FIP1L1: variants seen among roughly 807,000 people sequenced by gnomAD.
The protein encoded by FIP1L1 is factor interacting with PAPOLA and CPSF1.
A neutral mutation model predicts 84.6 loss-of-function variants in FIP1L1; 21 were observed. That is an observed-to-expected ratio of 0.25 (90% CI 0.18 to 0.36). The LOEUF is 0.36. Among genes scored for constraint, FIP1L1 ranks in the 10% least tolerant of loss-of-function variants. The pLI, the probability that FIP1L1 is intolerant of heterozygous loss-of-function variation, is 1.00. For missense variants in FIP1L1, 526 were observed against 751.1 expected (o/e 0.70, Z 3.50); for synonymous variants, 263 against 242.3 (o/e 1.09, Z -0.80).
chr4:53,383,534 C>G (rs1428632867), intron 4 of FIP1L1, among the ~76,000 whole-genome samples: 1 of 152,016 alleles, frequency 6.6e-6, no homozygotes, highest in Non-Finnish European at 1.5e-5. Context: ...TGGTGGCGGG[C>G]ACCTGTAATC....
chr4:53,392,173 T>C (rs748900060), intron 9 of FIP1L1, among the ~76,000 whole-genome samples: 4 of 152,362 alleles, frequency 2.6e-5, no homozygotes, highest in African/African-American at 4.8e-5. Flanking sequence ...CATAGTTCTT[T>C]TATGGAAAAC....
chr4:53,401,151 G>A (rs1195249920), intron 10 of FIP1L1, among the ~76,000 whole-genome samples: 1 of 152,196 alleles, frequency 6.6e-6, no homozygotes, highest in Non-Finnish European at 1.5e-5. Flanking sequence ...TTTATGTAAA[G>A]TGTTTTAGAA....
At chr4:53,422,927 G>T (rs1404281635) in intron 11 of FIP1L1, among the ~76,000 whole-genome samples, 1 of 152,020 alleles carries the variant, frequency 6.6e-6, no homozygotes, top group African/African-American at 2.4e-5. Context: ...TGTTGCCCAG[G>T]CTGGTCTTGA....
In FIP1L1 at chr4:53,445,531, A is replaced by G. The variant is rs76504390; in HGVS notation, c.1285+1428A>G. Among the ~76,000 whole-genome samples the G allele has an allele frequency of 7.3e-3, 1,111 of 152,350 alleles. 13 individuals are homozygous for G. The highest frequency in any genetic ancestry group is 0.025 in the African/African-American group (1,052 of 41,568). On this transcript the variant is annotated intron_variant, in intron 15 of 17. Coordinates refer to ENST00000337488, the MANE Select transcript of FIP1L1 (RefSeq NM_030917.4). ...GAGATGGCTTAGAAATCCAGATTATATAGCATCTTCAGTAAGGAGCAATGA... is the reference window on the plus strand; with the variant it reads ...GAGATGGCTTAGAAATCCAGATTATGTAGCATCTTCAGTAAGGAGCAATGA...
intron 9 of FIP1L1, among the ~76,000 whole-genome samples, chr4:53,398,495 A>G (rs1748573946): frequency 6.6e-6 from 1 of 152,202 alleles, no homozygotes; most frequent in Non-Finnish European, 1.5e-5. Flanking sequence ...TTGGAATTGA[A>G]TTGGTGGTTC....
At chr4:53,381,799 G>A (rs1276707554) in intron 3 of FIP1L1, among the ~76,000 whole-genome samples, 15 of 112,954 alleles carry the variant, frequency 1.3e-4, no homozygotes, top group Non-Finnish European at 2.4e-4. Flanking sequence ...TCACGCTGTC[G>A]CCCAGGCTAG....
intron 7 of FIP1L1, 120 bp downstream of exon 7, chr4:53,390,748 A>G: frequency 1.5e-6 from 1 of 666,714 alleles, no homozygotes; most frequent in Non-Finnish European, 2.5e-6. Context: ...TCTTAAGCAA[A>G]TGATGAGTAA....
intron 10 of FIP1L1, among the ~76,000 whole-genome samples, chr4:53,400,594 ATAGT>A (rs1749700445): frequency 2.0e-5 from 3 of 152,198 alleles, no homozygotes; most frequent in Admixed American, 2.0e-4. Flanking sequence ...TTTATTTTAT[ATAGT>A]TTTCTGTTTT....
chr4:53,384,009 G>GTC (rs1342820736), intron 5 of FIP1L1, 133 bp downstream of exon 5: 1 of 866,526 alleles, frequency 1.2e-6, no homozygotes, highest in Non-Finnish European at 1.7e-6. Flanking sequence ...ACTTGTTAAA[G>GTC]TTTCATCATG....
At chr4:53,412,706 T>C (rs1757752610) in intron 10 of FIP1L1, among the ~76,000 whole-genome samples, 1 of 152,134 alleles carries the variant, frequency 6.6e-6, no homozygotes, top group Non-Finnish European at 1.5e-5. Flanking sequence ...ATAATTCTAA[T>C]GCCTTAGTTG....
At chr4:53,405,408 G>C (rs1578402633) in intron 10 of FIP1L1, among the ~76,000 whole-genome samples, 1 of 152,268 alleles carries the variant, frequency 6.6e-6, no homozygotes, top group East Asian at 1.9e-4. Flanking sequence ...TTTGGTTACT[G>C]TAGCCTTGTA....
intron 10 of FIP1L1, among the ~76,000 whole-genome samples, chr4:53,410,759 G>A (rs544424103): frequency 1.1e-4 from 16 of 152,170 alleles, no homozygotes; most frequent in African/African-American, 3.6e-4. Flanking sequence ...TGCAAAAACC[G>A]CAATTACTTT....
intron 10 of FIP1L1, among the ~76,000 whole-genome samples, chr4:53,410,692 G>A (rs1756767622): frequency 1.3e-5 from 2 of 152,156 alleles, no homozygotes; most frequent in Non-Finnish European, 2.9e-5. Flanking sequence ...AACATGATGT[G>A]TAACATAACT....
chr4:53,442,679 C>T lies in FIP1L1; in HGVS notation c.1201C>T (p.Pro401Ser), dbSNP rs754690673. The change falls in exon 14 of 18, where the codon CCT becomes TCT. Residue 401 changes from proline to serine, a missense_variant. Around this residue, in one of 6 missense-constraint regions of FIP1L1, gnomAD observed 83 missense variants for 93.8 expected, o/e 0.88. Transcript: ENST00000337488. The part of the protein sequence containing the change: ...PGFPPPPGAP[P>S]PSLIPTIESG... ...TTTTCCTCCTCCACCAGGCGCTCCA[C>T]CTCCATCTCTTATACCAACAATAGA... The T allele has an allele frequency of 1.9e-6, 3 of 1,606,006 alleles. No individual in the cohort carries two copies. The Admixed American group carries it at 5.0e-5, about 27-fold the overall frequency.
intron 5 of FIP1L1, among the ~76,000 whole-genome samples, chr4:53,388,769 A>G (rs1460244263): frequency 2.6e-5 from 4 of 152,216 alleles, no homozygotes; most frequent in Admixed American, 6.5e-5. Context: ...ATAAGAATCC[A>G]TTATATAAAG....
intron 5 of FIP1L1, among the ~76,000 whole-genome samples, chr4:53,388,421 G>A (rs993823019): frequency 3.3e-5 from 5 of 151,560 alleles, no homozygotes; most frequent in African/African-American, 4.9e-5. Flanking sequence ...TGCAAGCTCC[G>A]CCTCCTGGGT....
chr4:53,383,223 T>G (rs1216402221), intron 4 of FIP1L1, among the ~76,000 whole-genome samples: 5 of 152,176 alleles, frequency 3.3e-5, no homozygotes, highest in African/African-American at 9.7e-5. Context: ...AAATGAGGTG[T>G]TGTTTACCAC....
At chr4:53,406,187 A>T (rs1753337035) in intron 10 of FIP1L1, among the ~76,000 whole-genome samples, 1 of 151,826 alleles carries the variant, frequency 6.6e-6, no homozygotes, top group Non-Finnish European at 1.5e-5. Flanking sequence ...CGTCCTATTT[A>T]CATACCTAAT....
intron 16 of FIP1L1, among the ~76,000 whole-genome samples, chr4:53,457,196 C>CG (rs1434103131): frequency 1.3e-5 from 2 of 151,972 alleles, no homozygotes; most frequent in African/African-American, 4.8e-5. Flanking sequence ...GGTGAGAAAA[C>CG]CGAGGTTTAG....
Sources: allele counts gnomAD v4.1 joint callset (sites outside exome capture counted in the v4.1 genomes callset), GRCh38; gene constraint gnomAD v4.1.1; regional missense constraint gnomAD v4.1.1; transcripts MANE v1.5; gene names NCBI Gene and HGNC (gene_info 2026-07-23, HGNC 2026-07-21).